Variants in PRKCE observed in about 807,000 individuals in gnomAD.
PRKCE encodes protein kinase C epsilon.
PRKCE carries 16 observed loss-of-function variants against 85.4 expected under a neutral mutation model. The observed-to-expected ratio is 0.19, with a 90% CI of 0.13 to 0.28. The LOEUF is 0.28. PRKCE is among the 10% of genes least tolerant of loss of function. The pLI is 1.00. For missense variants in PRKCE, 573 were observed against 975.2 expected, an observed-to-expected ratio of 0.59 and a Z score of 5.49; for synonymous variants, 388 against 371.5, an observed-to-expected ratio of 1.04 and a Z score of -0.51.
intron 6 of PRKCE, 84 bp downstream of exon 6, chr2:45,984,764 T>C: frequency 6.6e-7 from 1 of 1,516,944 alleles, no homozygotes. Context: ...TAAAAAACCC[T>C]TGTCTGATTC....
At chr2:45,843,999 T>A (rs947256137) in intron 2 of PRKCE, among the ~76,000 whole-genome samples, 4 of 152,144 alleles carry the variant, frequency 2.6e-5, no homozygotes, top group African/African-American at 9.7e-5. Flanking sequence ...CCTGGAACAC[T>A]TGGGCCTTTC....
chr2:45,709,777 G>A (rs1373000830), intron 1 of PRKCE, among the ~76,000 whole-genome samples: 11 of 150,872 alleles, frequency 7.3e-5, no homozygotes, highest in Non-Finnish European at 3.0e-5. Context: ...CTCCCACTGG[G>A]AGAGATGTCT....
intron 1 of PRKCE, among the ~76,000 whole-genome samples, chr2:45,724,584 A>G (rs1337354401): frequency 6.6e-6 from 1 of 152,268 alleles, no homozygotes; most frequent in Non-Finnish European, 1.5e-5. Flanking sequence ...CTCTTGCACC[A>G]GACGGCCAAG....
At chr2:45,830,191 A>G (rs1365903085) in intron 1 of PRKCE, among the ~76,000 whole-genome samples, 2 of 152,130 alleles carry the variant, frequency 1.3e-5, no homozygotes, top group Non-Finnish European at 1.5e-5. Flanking sequence ...CCAATTTCTC[A>G]TTCAGGGACC....
rs768432299 is a variant in PRKCE at position 46,086,169 on chromosome 2, A to G, written c.1438-39A>G. The G allele has an allele frequency of 4.4e-6, 7 of 1,593,510 alleles. No homozygotes were observed. The South Asian group carries it at 6.6e-5, about 15-fold the overall frequency. ...AAGCTGGCCTGTGTGGGCAGCTGCA[A>G]TCAAATGACCCAAATGGCATTTTCT... On this transcript the variant is annotated intron_variant, in intron 10 of 14. Transcript: ENST00000306156.
chr2:46,099,466 G>A (rs556223260), intron 11 of PRKCE, among the ~76,000 whole-genome samples: 2 of 150,360 alleles, frequency 1.3e-5, no homozygotes, highest in South Asian at 4.2e-4. Flanking sequence ...CTTTGCTTAG[G>A]AATACCATAC....
chr2:45,761,969 G>C (rs1300222093), intron 1 of PRKCE, among the ~76,000 whole-genome samples: 1 of 152,156 alleles, frequency 6.6e-6, no homozygotes, highest in Non-Finnish European at 1.5e-5. Flanking sequence ...CCATCAGGGA[G>C]TTACTGCAGA....
In PRKCE at chr2:45,895,965, G is replaced by T. The variant is rs912012162; in HGVS notation, c.412+52902G>T. On this transcript the variant is annotated intron_variant, in intron 2 of 14. Coordinates refer to ENST00000306156, the MANE Select transcript of PRKCE (RefSeq NM_005400.3). The surrounding 1 kb of genome is among the most constrained non-coding windows in gnomAD (Gnocchi z 4.8). ...ACGAGGAAGGCCTCAGATGAAGGAG[G>T]GCACTTCAGGTAGAGCGTGGGCACT... Among the ~76,000 whole-genome samples, 2 of 152,142 alleles carry T rather than the reference G, an allele frequency of 1.3e-5. No homozygotes were observed. Among genetic ancestry groups the T allele is most frequent in the African/African-American group, 4.8e-5 (2 of 41,426 alleles).
chr2:45,741,390 T>A (rs1053856204), intron 1 of PRKCE, among the ~76,000 whole-genome samples: 21 of 152,236 alleles, frequency 1.4e-4, no homozygotes, highest in African/African-American at 5.1e-4. Context: ...TAAAACACCC[T>A]GTCAGTTGTA....
chr2:46,045,320 T>C (rs1215005845), intron 10 of PRKCE, among the ~76,000 whole-genome samples: 3 of 152,254 alleles, frequency 2.0e-5, no homozygotes, highest in Admixed American at 6.5e-5. Context: ...CAGTACTGCA[T>C]GTTGTGGTTA....
At chr2:45,917,287 A>G (rs939498408) in intron 2 of PRKCE, among the ~76,000 whole-genome samples, 1 of 152,320 alleles carries the variant, frequency 6.6e-6, no homozygotes, top group African/African-American at 2.4e-5. Flanking sequence ...CAGAGTGTCA[A>G]TTGGTGCGTT....
chr2:46,061,446 A>G (rs921352828), intron 10 of PRKCE, among the ~76,000 whole-genome samples: 3 of 151,468 alleles, frequency 2.0e-5, no homozygotes, highest in Non-Finnish European at 4.4e-5. Flanking sequence ...TCCCCCCTAT[A>G]ATTTAGTTAT....
chr2:45,772,764 G>T (rs1038679687), intron 1 of PRKCE, among the ~76,000 whole-genome samples: 9 of 152,194 alleles, frequency 5.9e-5, no homozygotes, highest in Non-Finnish European at 1.2e-4. Flanking sequence ...CATGGGGAAG[G>T]TGGTCAGGGA....
chr2:45,994,365 A>G (rs1005907083), intron 6 of PRKCE, among the ~76,000 whole-genome samples: 2 of 152,236 alleles, frequency 1.3e-5, no homozygotes, highest in Admixed American at 1.3e-4. Context: ...GGACAAATGT[A>G]TAATGACATG....
intron 2 of PRKCE, among the ~76,000 whole-genome samples, chr2:45,858,558 A>G (rs1169671378): frequency 6.6e-6 from 1 of 152,110 alleles, no homozygotes; most frequent in Non-Finnish European, 1.5e-5. Flanking sequence ...GTGTATGGCC[A>G]GTGCCTTTCA....
chr2:45,943,219 A>G (rs1700008247), intron 2 of PRKCE, among the ~76,000 whole-genome samples: 1 of 152,218 alleles, frequency 6.6e-6, no homozygotes, highest in South Asian at 2.1e-4. Context: ...GGACACAATT[A>G]AATATACTCC....
chr2:46,128,198 C>T (rs1377928423), intron 11 of PRKCE, among the ~76,000 whole-genome samples: 1 of 152,142 alleles, frequency 6.6e-6, no homozygotes, highest in African/African-American at 2.4e-5. Flanking sequence ...TTGTTCCCTT[C>T]CAGCATCACT....
intron 10 of PRKCE, among the ~76,000 whole-genome samples, chr2:46,066,438 CT>C (rs1667632371): frequency 6.6e-6 from 1 of 152,118 alleles, no homozygotes. Context: ...CTGTCTGTTG[CT>C]TTTTGATTTT....
At chr2:46,119,012 G>A (rs1673053843) in intron 11 of PRKCE, among the ~76,000 whole-genome samples, 1 of 152,174 alleles carries the variant, frequency 6.6e-6, no homozygotes, top group Admixed American at 6.5e-5. Context: ...GGCTCCAGGA[G>A]GAAGAGAGCA....
Sources: gnomAD v4.1 joint callset for allele counts (sites outside exome capture counted in the v4.1 genomes callset) on GRCh38, gnomAD v4.1.1 for gene constraint, Gnocchi (gnomAD v3.1) non-coding constraint, MANE v1.5 for transcripts, NCBI Gene and HGNC (gene_info 2026-07-23, HGNC 2026-07-21) for gene names.